TNRC6C: variants seen among roughly 807,000 people sequenced by gnomAD.
TNRC6C encodes trinucleotide repeat containing adaptor 6C, also known as trinucleotide repeat-containing gene 6C protein.
TNRC6C carries 20 observed loss-of-function variants against 153.7 expected under a neutral mutation model. The ratio of observed to expected loss-of-function variants is 0.13; its 90% confidence interval spans 0.09 to 0.19. The LOEUF (loss-of-function observed/expected upper bound fraction) is 0.19. Ranked by LOEUF, TNRC6C falls within the 10% of genes least tolerant of loss-of-function variation. The pLI, the probability that TNRC6C is intolerant of heterozygous loss-of-function variation, is 1.00. For synonymous variants in TNRC6C, 811 were observed against 841.4 expected (o/e 0.96, Z 0.63); for missense variants, 1,987 against 2,172.0 (o/e 0.91, Z 1.69).
chr17:78,034,461 G>GC (rs897791720), intron 2 of TNRC6C, among the ~76,000 whole-genome samples: 69 of 151,396 alleles, frequency 4.6e-4, no homozygotes, highest in African/African-American at 1.5e-3. Context: ...CTTAATTGCT[G>GC]CCCCCCCAAC....
chr17:77,968,849 T>C (rs1190072084), intron 1 of TNRC6C, among the ~76,000 whole-genome samples: 1 of 152,214 alleles, frequency 6.6e-6, no homozygotes, highest in Non-Finnish European at 1.5e-5. Context: ...TCTCTTACTT[T>C]TTATTTGTCT....
intron 2 of TNRC6C, among the ~76,000 whole-genome samples, chr17:78,042,423 A>G (rs2072315150): frequency 6.6e-6 from 1 of 152,170 alleles, no homozygotes; most frequent in Admixed American, 6.5e-5. Context: ...TAAAACTGAC[A>G]TTGTTTGTAA....
intron 11 of TNRC6C, among the ~76,000 whole-genome samples, chr17:78,084,724 G>T (rs1419443538): frequency 1.3e-5 from 2 of 151,816 alleles, no homozygotes; most frequent in Admixed American, 6.6e-5. Context: ...TGCCTTGTGG[G>T]TTCAAGCAAT....
chr17:78,093,825 C>T, intron 16 of TNRC6C, 62 bp downstream of exon 18: 1 of 1,589,544 alleles, frequency 6.3e-7, no homozygotes, highest in South Asian at 1.1e-5. Context: ...TTGGAGATGT[C>T]AGGGGTGACA....
chr17:78,016,678 T>C (rs1473336157), intron 1 of TNRC6C, among the ~76,000 whole-genome samples: 1 of 152,160 alleles, frequency 6.6e-6, no homozygotes, highest in African/African-American at 2.4e-5. Context: ...CCTTCCCTTC[T>C]TTAGGTCATT....
rs117009393 is a variant in TNRC6C, at chr17:77,970,497, A to T, written c.-38+11229A>T. Among the ~76,000 whole-genome samples, 473 of 152,324 alleles carry T rather than the reference A, an allele frequency of 3.1e-3. 19 individuals are homozygous for T. In the East Asian group the frequency reaches 0.077, roughly 25 times the overall value. On this transcript the variant is annotated intron_variant, in intron 1 of 22. Transcript: ENST00000636222. ...AGCAACCTCACCTGGCTGCTGCTTT[A>T]CTTTGATATCACAACTTTCAGGAGA...
At chr17:78,086,989 C>G (rs1486137355) in exon 13 of TNRC6C, 2 of 1,613,876 alleles carry the variant, frequency 1.2e-6, no homozygotes, top group Non-Finnish European at 1.7e-6. Flanking sequence ...GCAGGCAAAT[C>G]GGCCATGGAC....
At chr17:78,039,431 G>A (rs529091951) in intron 2 of TNRC6C, among the ~76,000 whole-genome samples, 3 of 151,722 alleles carry the variant, frequency 2.0e-5, no homozygotes, top group Non-Finnish European at 4.4e-5. Context: ...GTTTTGTAGC[G>A]TTATTGATGT....
rs140390947 is a variant in TNRC6C at position 78,044,091 on chromosome 17, C to T, written c.-218-4754C>T. Among the ~76,000 whole-genome samples, 146 of 152,268 alleles carry T rather than the reference C, an allele frequency of 9.6e-4. 2 individuals carry two copies. Among genetic ancestry groups the T allele is most frequent in the Middle Eastern group, 3.4e-3 (1 of 294 alleles). On this transcript the variant is annotated intron_variant, in intron 2 of 19. Transcript: ENST00000301624. ...TATACCTAGGATTGAGGTAGTATAA[C>T]TTATTATCAAACCCTATCTATGTTT...
At chr17:78,097,659 T>G in intron 16 of TNRC6C, 86 bp from the exon 19 acceptor site, 5 of 924,612 alleles carry the variant, frequency 5.4e-6, no homozygotes, top group Non-Finnish European at 7.9e-6. Flanking sequence ...GAGAGGTTGA[T>G]TCCTGATGGT....
chr17:78,010,844 G>T (rs867724627), intron 1 of TNRC6C, among the ~76,000 whole-genome samples: 1 of 152,092 alleles, frequency 6.6e-6, no homozygotes, highest in Non-Finnish European at 1.5e-5. Flanking sequence ...AAAATATATA[G>T]GTTATTCAAA....
At chr17:77,960,823 T>G (rs751766144) in intron 1 of TNRC6C, among the ~76,000 whole-genome samples, 1 of 152,200 alleles carries the variant, frequency 6.6e-6, no homozygotes, top group Non-Finnish European at 1.5e-5. Flanking sequence ...ACTAGTTCAG[T>G]TGTCGGAATT....
chr17:78,033,726 A>G (rs2072121151), intron 2 of TNRC6C, among the ~76,000 whole-genome samples: 1 of 152,224 alleles, frequency 6.6e-6, no homozygotes, highest in African/African-American at 2.4e-5. Context: ...ACACACACAT[A>G]TTGAAGAACA....
At chr17:78,062,503 C>G (rs1249893567) in intron 3 of TNRC6C, among the ~76,000 whole-genome samples, 1 of 152,234 alleles carries the variant, frequency 6.6e-6, no homozygotes, top group Non-Finnish European at 1.5e-5. Context: ...CTCTTGCACA[C>G]AGTCACATGC....
chr17:78,034,299 C>T (rs575023482), intron 2 of TNRC6C, among the ~76,000 whole-genome samples: 8 of 152,062 alleles, frequency 5.3e-5, no homozygotes, highest in Admixed American at 2.6e-4. Context: ...TCAGGTGATC[C>T]GCCTGCCTCA....
intron 1 of TNRC6C, among the ~76,000 whole-genome samples, chr17:77,964,606 CTT>C (rs2070883815): frequency 6.6e-6 from 1 of 152,122 alleles, no homozygotes; most frequent in Non-Finnish European, 1.5e-5. Context: ...TTTAATTACT[CTT>C]TTAGGAAGCA....
intron 9 of TNRC6C, chr17:78,077,549 T>G: frequency 1.5e-6 from 1 of 648,808 alleles, no homozygotes; most frequent in East Asian, 2.8e-5. Context: ...ATTCTTACAC[T>G]TAACTAAAAC....
upstream of TNRC6C, among the ~76,000 whole-genome samples, chr17:78,000,772 A>G (rs2071401677): frequency 6.6e-6 from 1 of 152,016 alleles, no homozygotes; most frequent in South Asian, 2.1e-4. Context: ...CTAAACCTCA[A>G]AGACAAAAAC....
intron 3 of TNRC6C, among the ~76,000 whole-genome samples, 198 bp downstream of exon 5, chr17:78,051,646 T>C (rs1396675157): frequency 6.6e-6 from 1 of 152,204 alleles, no homozygotes; most frequent in East Asian, 1.9e-4. Flanking sequence ...GGTGGTTTTC[T>C]ATTCAAGAAA....
Sources: gnomAD v4.1 joint callset for allele counts (sites outside exome capture counted in the v4.1 genomes callset) on GRCh38, gnomAD v4.1.1 for gene constraint, MANE v1.5 for transcripts, NCBI Gene and HGNC (gene_info 2026-07-23, HGNC 2026-07-21) for gene names.